Variants in RBFOX3 observed in about 807,000 individuals in gnomAD.
The protein encoded by RBFOX3 is RNA binding fox-1 homolog 3, also known as RNA binding protein fox-1 homolog 3.
In RBFOX3, 17 loss-of-function variants were observed where a neutral mutation model predicts 48.7. The ratio of observed to expected loss-of-function variants is 0.35; its 90% CI spans 0.24 to 0.52. RBFOX3 has a LOEUF of 0.52. Among genes scored for constraint, RBFOX3 ranks in the 20% least tolerant of loss-of-function variants. The pLI, the probability that RBFOX3 is intolerant of heterozygous loss-of-function variation, is 0.94. For synonymous variants in RBFOX3, 212 were observed against 209.5 expected (o/e 1.01, Z -0.10); for missense variants, 382 against 497.5 (o/e 0.77, Z 2.21).
chr17:79,632,019 G>A, the RBFOX3 span, among the ~76,000 whole-genome samples: 8 of 152,318 alleles, frequency 5.3e-5, no homozygotes, highest in East Asian at 3.9e-4. Context: ...CCGATGTGCC[G>A]TGGTGCCTGC....
chr17:79,545,750 T>C (rs76112253), intron 1 of RBFOX3, among the ~76,000 whole-genome samples: 6,172 of 152,300 alleles, frequency 0.041, 294 homozygotes, highest in African/African-American at 0.12. Flanking sequence ...TTCCCAGCTG[T>C]CCTGAGCCTT....
intron 2 of RBFOX3, among the ~76,000 whole-genome samples, chr17:79,375,358 GACACACACACACAC>G (rs534923135): frequency 6.4e-4 from 87 of 136,292 alleles, no homozygotes; most frequent in African/African-American, 1.7e-3. Context: ...GAAGACAGAA[GACACACACACACAC>G]ACACACACAC....
chr17:79,645,364 G>A, the RBFOX3 span, among the ~76,000 whole-genome samples: 5 of 149,992 alleles, frequency 3.3e-5, no homozygotes, highest in Admixed American at 1.3e-4. Context: ...CTCTTTATGC[G>A]CCACCAAATG....
intron 4 of RBFOX3, among the ~76,000 whole-genome samples, chr17:79,202,942 A>C (rs11870370): frequency 0.045 from 6,819 of 152,226 alleles, 470 homozygotes; most frequent in African/African-American, 0.15. Context: ...CCCAGCGCCC[A>C]CAGTGGTCTC....
chr17:79,333,885 C>A (rs555682503), intron 2 of RBFOX3, among the ~76,000 whole-genome samples: 2 of 152,140 alleles, frequency 1.3e-5, no homozygotes, highest in African/African-American at 2.4e-5. Flanking sequence ...GACCTTCCCC[C>A]TCTCCCAGAT....
At chr17:79,344,636 C>A (rs540607593) in intron 2 of RBFOX3, among the ~76,000 whole-genome samples, 85 of 152,252 alleles carry the variant, frequency 5.6e-4, no homozygotes, top group Admixed American at 2.9e-3. Flanking sequence ...CTCACTGCAA[C>A]TTCCACCTCC....
chr17:79,291,871 G>A (rs984868320), intron 3 of RBFOX3, among the ~76,000 whole-genome samples: 4 of 152,124 alleles, frequency 2.6e-5, no homozygotes, highest in African/African-American at 4.8e-5. Context: ...AAACTAGGGC[G>A]CCACATGATT....
At chr17:79,569,771 C>T (rs2092597767) in intron 1 of RBFOX3, among the ~76,000 whole-genome samples, 3 of 152,056 alleles carry the variant, frequency 2.0e-5, no homozygotes, top group South Asian at 2.1e-4. Context: ...GATAGAAAAT[C>T]GATGGATGAT....
intron 4 of RBFOX3, among the ~76,000 whole-genome samples, chr17:79,123,134 C>T (rs2036201676): frequency 6.6e-6 from 1 of 152,040 alleles, no homozygotes; most frequent in African/African-American, 2.4e-5. Flanking sequence ...TGAATAAGAC[C>T]TACTATTTGA....
chr17:79,373,346 G>A (rs1380931938), intron 2 of RBFOX3, among the ~76,000 whole-genome samples: 3 of 152,138 alleles, frequency 2.0e-5, no homozygotes, highest in African/African-American at 4.8e-5. Context: ...AGAGGGAAGG[G>A]GGCTTGCCAA....
chr17:79,571,524 G>A lies in RBFOX3; in HGVS notation c.-320+39302C>T, dbSNP rs1039685722. On this transcript the variant is annotated intron_variant, in intron 1 of 14. Coordinates refer to ENST00000693108, the MANE Select transcript of RBFOX3 (RefSeq NM_001350451.2). ...TTGGGTGTCCCCACTCCCACCCCCC[G>A]CCCCCCCAACCACTCTCTTCCATCA... Among the ~76,000 whole-genome samples the A allele has an allele frequency of 2.5e-3, 235 of 93,200 alleles. 2 individuals carry two copies. The highest frequency in any genetic ancestry group is 0.014 in the East Asian group (51 of 3,544). 61.1% of individuals were successfully genotyped at this position (93,200 alleles called of 152,430 possible). A position where few individuals can be genotyped will look rare whatever the true frequency, so the allele number is the denominator to read the frequency against.
At chr17:79,119,970 A>G (rs1378246184) in intron 4 of RBFOX3, among the ~76,000 whole-genome samples, 4 of 152,256 alleles carry the variant, frequency 2.6e-5, no homozygotes, top group Non-Finnish European at 5.9e-5. Flanking sequence ...CCATCCTGAT[A>G]GGGTACGTGA....
At chr17:79,375,223 A>C (rs919008912) in intron 2 of RBFOX3, among the ~76,000 whole-genome samples, 5 of 152,154 alleles carry the variant, frequency 3.3e-5, no homozygotes. Context: ...AAGGAAAATC[A>C]TTTCCCAGGC....
intron 4 of RBFOX3, among the ~76,000 whole-genome samples, chr17:79,137,924 C>G (rs1038410332): frequency 2.0e-5 from 3 of 152,204 alleles, no homozygotes; most frequent in Non-Finnish European, 4.4e-5. Flanking sequence ...TTGCGCCTGT[C>G]AACTCGGGGC....
Position 79,199,882 on chromosome 17 carries a change from C to T in RBFOX3, c.-34+35884G>A, listed in dbSNP as rs1039898426. On this transcript the variant is annotated intron_variant, in intron 4 of 14. Transcript: ENST00000693108. The surrounding 1 kb of genome is among the most constrained non-coding windows in gnomAD (Gnocchi z 5.1). Reference sequence around the variant, plus strand: ...ATCTATAAAATGGGGAGAAAAGGGCCGGACGTGGTGGCTCACGCCTGTAAT... The same window carrying T: ...ATCTATAAAATGGGGAGAAAAGGGCTGGACGTGGTGGCTCACGCCTGTAAT... Among the ~76,000 whole-genome samples the T allele has an allele frequency of 5.3e-5, 8 of 152,212 alleles. No individual in the cohort carries two copies. In the South Asian group the frequency reaches 1.0e-3, roughly 20 times the overall value.
intron 2 of RBFOX3, among the ~76,000 whole-genome samples, chr17:79,460,578 C>A (rs1378025599): frequency 6.6e-6 from 1 of 152,194 alleles, no homozygotes; most frequent in African/African-American, 2.4e-5. Context: ...TTAAATATGT[C>A]TCCTGAAGTT....
intron 1 of RBFOX3, among the ~76,000 whole-genome samples, chr17:79,597,181 G>A (rs997800030): frequency 1.3e-5 from 2 of 152,212 alleles, no homozygotes; most frequent in African/African-American, 4.8e-5. Flanking sequence ...TTGCCAAAAA[G>A]GAGATGCAGG....
intron 1 of RBFOX3, among the ~76,000 whole-genome samples, chr17:79,552,272 A>G (rs1373367772): frequency 2.0e-5 from 3 of 152,228 alleles, no homozygotes; most frequent in African/African-American, 7.2e-5. Context: ...CCTGTATGCT[A>G]TGGAAAATGC....
intron 1 of RBFOX3, among the ~76,000 whole-genome samples, chr17:79,597,844 G>A (rs2093606470): frequency 1.3e-5 from 2 of 152,364 alleles, no homozygotes; most frequent in East Asian, 3.9e-4. Flanking sequence ...TCCCATGGGG[G>A]AGAAACAATC....
Sources: gnomAD v4.1 joint callset for allele counts (sites outside exome capture counted in the v4.1 genomes callset) on GRCh38, gnomAD v4.1.1 for gene constraint, Gnocchi (gnomAD v3.1) non-coding constraint, MANE v1.5 for transcripts, NCBI Gene and HGNC (gene_info 2026-07-23, HGNC 2026-07-21) for gene names.